Variants in STT3B observed in about 807,000 individuals in gnomAD.
STT3B encodes dolichyl-diphosphooligosaccharide--protein glycosyltransferase subunit STT3B.
STT3B carries 29 observed loss-of-function variants against 96.8 expected under a neutral mutation model. The observed-to-expected ratio is 0.30, with a 90% confidence interval of 0.22 to 0.41. The LOEUF (loss-of-function observed/expected upper bound fraction) is 0.41, where lower values mean the gene tolerates loss of function less well. STT3B is among the 10% of genes least tolerant of loss of function. The probability of loss-of-function intolerance (pLI) is 1.00; values close to 1 mark genes in which losing one functional copy is unlikely to be tolerated. For synonymous variants in STT3B, 367 were observed against 360.0 expected (o/e 1.02, Z -0.22); for missense variants, 640 against 1,022.3 (o/e 0.63, Z 5.10).
chr3:31,543,433 C>A (rs933958959), intron 1 of STT3B, among the ~76,000 whole-genome samples: 1 of 152,166 alleles, frequency 6.6e-6, no homozygotes, highest in African/African-American at 2.4e-5. Context: ...TTTTTCTAAT[C>A]TTTCTAGAAT....
At position 31,601,830 on chromosome 3, in the gene STT3B, A is replaced by C. The variant is rs183840115; in HGVS notation, c.877+1371A>C. Among the ~76,000 whole-genome samples the C allele has an allele frequency of 1.8e-4, 28 of 152,346 alleles. No individual in the cohort carries two copies. In the East Asian group the frequency reaches 5.4e-3, roughly 29 times the overall value. On this transcript the variant is annotated intron_variant, in intron 5 of 15. Coordinates refer to ENST00000295770, the MANE Select transcript of STT3B (RefSeq NM_178862.3). ...ATTACATTTATAGCCATTTCAGCAT[A>C]CTTTTTCATTTGATACTGTGAGGGT...
intron 5 of STT3B, among the ~76,000 whole-genome samples, chr3:31,611,486 G>A (rs13093994): frequency 0.47 from 71,994 of 151,972 alleles, 20,062 homozygotes; most frequent in Non-Finnish European, 0.62. Context: ...TTTTCATTTT[G>A]CAGTGGAGAT....
Position 31,558,540 on chromosome 3 carries a change from C to T in STT3B, c.315-17856C>T, listed in dbSNP as rs77298882. On this transcript the variant is annotated intron_variant, in intron 1 of 15. Coordinates refer to ENST00000295770, the MANE Select transcript of STT3B (RefSeq NM_178862.3). ...CATCCTTGCTTCCCTGGTATAAACC[C>T]ATTTCATCATGGTGTATTATCTTTT... Among the ~76,000 whole-genome samples, 2,519 of 152,222 alleles carry T rather than the reference C, an allele frequency of 0.017. 288 individuals are homozygous for T. In the East Asian group the frequency reaches 0.32, roughly 19 times the overall value.
intron 1 of STT3B, among the ~76,000 whole-genome samples, chr3:31,561,506 T>A (rs933187555): frequency 1.3e-5 from 2 of 152,108 alleles, no homozygotes; most frequent in Non-Finnish European, 2.9e-5. Flanking sequence ...ATCAAATAGG[T>A]CTTATTCATT....
At chr3:31,611,875 G>A (rs1358410993) in intron 5 of STT3B, among the ~76,000 whole-genome samples, 2 of 151,968 alleles carry the variant, frequency 1.3e-5, no homozygotes, top group African/African-American at 2.4e-5. Flanking sequence ...TATTTTCTAT[G>A]TCTTAAAATG....
At chr3:31,631,889 T>C (rs1308747815) in intron 14 of STT3B, among the ~76,000 whole-genome samples, 1 of 152,042 alleles carries the variant, frequency 6.6e-6, no homozygotes, top group East Asian at 1.9e-4. Flanking sequence ...AGGATCTCAC[T>C]CTGTGGCCCA....
intron 6 of STT3B, among the ~76,000 whole-genome samples, chr3:31,615,442 T>C (rs1310888798): frequency 6.6e-6 from 1 of 151,912 alleles, no homozygotes; most frequent in Non-Finnish European, 1.5e-5. Context: ...ACACTGATAC[T>C]ATATAGATAG....
rs1252026710 is a variant in STT3B, at chr3:31,616,931, G to A, written c.979G>A (p.Val327Ile). ...RTSEHMAAAG[V>I]FALLQAYAFL... ...ATGTGACCCTTTTCTTTAATTAGGT[G>A]TCTTTGCATTGCTGCAAGCTTATGC... Residue 327 changes from valine (V) to isoleucine (I), a missense_variant and splice_region_variant, in exon 7 of 16, where the codon GTC (valine) becomes ATC (isoleucine). Val to Ile is a conservative substitution (Grantham distance 29, BLOSUM62 3). This residue lies in a region of STT3B where 267 missense variants were observed against 388.3 expected (regional missense o/e 0.69). Transcript: ENST00000295770. 1 of 1,601,314 alleles carries A rather than the reference G, an allele frequency of 6.2e-7. No individual in the cohort carries two copies. Among genetic ancestry groups the A allele is most frequent in the African/African-American group, 1.3e-5 (1 of 74,636 alleles).
chr3:31,604,862 A>G (rs540557862), intron 5 of STT3B, among the ~76,000 whole-genome samples: 3 of 152,316 alleles, frequency 2.0e-5, no homozygotes, highest in East Asian at 1.9e-4. Context: ...TCCAGAGCCA[A>G]TCTACCAGGG....
intron 1 of STT3B, chr3:31,533,571 C>A: frequency 6.6e-6 from 2 of 305,012 alleles, no homozygotes; most frequent in Non-Finnish European, 1.1e-5. Flanking sequence ...TGAAGACTGC[C>A]AGGAGTGTGG....
chr3:31,625,693 TA>T (rs1699521352), intron 12 of STT3B, among the ~76,000 whole-genome samples: 1 of 152,224 alleles, frequency 6.6e-6, no homozygotes, highest in Admixed American at 6.5e-5. Flanking sequence ...GCTTTCATCA[TA>T]AAATGTTAAT....
intron 1 of STT3B, among the ~76,000 whole-genome samples, chr3:31,555,942 A>G (rs9875051): frequency 0.09 from 13,639 of 152,128 alleles, 658 homozygotes; most frequent in South Asian, 0.12. Context: ...ATACATAGTA[A>G]ATTGTTGCTA....
intron 1 of STT3B, among the ~76,000 whole-genome samples, chr3:31,554,914 C>CA (rs1196848943): frequency 6.6e-6 from 1 of 152,066 alleles, no homozygotes; most frequent in Non-Finnish European, 1.5e-5. Context: ...TATTGACCAT[C>CA]AGTATGTATT....
intron 3 of STT3B, among the ~76,000 whole-genome samples, chr3:31,586,258 A>G (rs1698532638): frequency 6.6e-6 from 1 of 152,060 alleles, no homozygotes; most frequent in African/African-American, 2.4e-5. Context: ...ATGTCTGTTC[A>G]TATCTTGCCC....
At chr3:31,631,844 A>G (rs867895741) in intron 14 of STT3B, among the ~76,000 whole-genome samples, 2 of 152,062 alleles carry the variant, frequency 1.3e-5, no homozygotes, top group African/African-American at 2.4e-5. Flanking sequence ...ATGTCAACAT[A>G]AACTTAGTCT....
rs555391932 is a variant in STT3B at position 31,625,827 on chromosome 3, T to C, written c.1900-127T>C. 5.2e-5 allele frequency: 43 copies of C among 833,558 alleles called. 1 individual carries two copies. The East Asian group carries it at 1.0e-3, about 20-fold the overall frequency. The allele number at this position is 833,558 out of a possible 1,614,324, so 51.6% of individuals were successfully genotyped here. A position where few individuals can be genotyped will look rare whatever the true frequency, so the allele number is the denominator to read the frequency against. On this transcript the variant is annotated intron_variant, in intron 12 of 15. Coordinates refer to ENST00000295770, the MANE Select transcript of STT3B (RefSeq NM_178862.3). ...CATTTGTTGAATTCATAGTAAATCA[T>C]TTCTGCAAAAAAATTCCATGTAAAA...
chr3:31,547,290 A>G (rs1433999361), intron 1 of STT3B, among the ~76,000 whole-genome samples: 1 of 152,164 alleles, frequency 6.6e-6, no homozygotes, highest in Admixed American at 6.5e-5. Flanking sequence ...GTAGTGGCGA[A>G]ATATTTTGCA....
intron 1 of STT3B, among the ~76,000 whole-genome samples, chr3:31,559,146 GGTGTGTGT>G (rs55707310): frequency 0.079 from 9,202 of 116,444 alleles, 597 homozygotes; most frequent in African/African-American, 0.19. Flanking sequence ...TGATTCTTGG[GGTGTGTGT>G]GTGTGTGTGT....
chr3:31,533,448 G>C (rs1326032654), intron 1 of STT3B, 136 bp downstream of exon 1: 1 of 1,164,052 alleles, frequency 8.6e-7, no homozygotes, highest in Admixed American at 4.5e-5. Context: ...AGGCCGGCGC[G>C]GATCCCGGAG....
Sources: gnomAD v4.1 joint callset for allele counts (sites outside exome capture counted in the v4.1 genomes callset) on GRCh38, gnomAD v4.1.1 for gene constraint, gnomAD v4.1.1 regional missense constraint, MANE v1.5 for transcripts, NCBI Gene and HGNC (gene_info 2026-07-23, HGNC 2026-07-21) for gene names.